Variants in MDN1 observed in about 807,000 individuals in gnomAD.
MDN1 encodes the protein midasin.
Under a neutral mutation model 669.2 loss-of-function variants are expected in MDN1, and 266 were observed. The ratio of observed to expected loss-of-function variants is 0.40; its 90% CI spans 0.36 to 0.44. The LOEUF (loss-of-function observed/expected upper bound fraction) is 0.44, where lower values mean the gene tolerates loss of function less well. Among genes scored for constraint, MDN1 ranks in the 20% least tolerant of loss-of-function variants. MDN1 has a pLI of 1.00. For missense variants in MDN1, 5,940 were observed against 6,754.0 expected (o/e 0.88, Z 4.22); for synonymous variants, 2,385 against 2,457.1 (o/e 0.97, Z 0.87).
intron 15 of MDN1, 56 bp from the exon 16 acceptor site, chr6:89,762,586 G>A (rs989642722): frequency 3.7e-6 from 5 of 1,344,940 alleles, no homozygotes; most frequent in Non-Finnish European, 5.2e-6. Flanking sequence ...ACAGAAGTTA[G>A]AAAGCATGGC....
rs1813092935 is a variant in MDN1 at position 89,700,675 on chromosome 6, C to G, written c.8609G>C (p.Arg2870Thr). The part of the protein sequence containing the change: ...SLLQAWGLIL[R>T]ANILEDVSLD... ...GCTGACATCTTCCAAAATATTTGCTCTGAGGATCAGTCCCCAGGCTTGCAG... is the reference window on the plus strand; with the variant it reads ...GCTGACATCTTCCAAAATATTTGCTGTGAGGATCAGTCCCCAGGCTTGCAG... The change falls in exon 56 of 102, where the codon AGA becomes ACA. Residue 2870 changes from arginine to threonine, a missense_variant. Physicochemically the swap from Arg to Thr is moderately conservative, Grantham distance 71. Coordinates refer to ENST00000369393, the MANE Select transcript of MDN1 (RefSeq NM_014611.3). The G allele has an allele frequency of 6.2e-7, 1 of 1,614,216 alleles. No homozygotes were observed. Among genetic ancestry groups the G allele is most frequent in the Non-Finnish European group, 8.5e-7 (1 of 1,180,030 alleles).
At chr6:89,780,340 C>T in intron 10 of MDN1, 47 bp from the exon 11 acceptor site, 1 of 1,254,974 alleles carries the variant, frequency 8.0e-7, no homozygotes, top group Middle Eastern at 1.9e-4. Flanking sequence ...AGACCACAGG[C>T]CAAAGACATC....
intron 9 of MDN1, among the ~76,000 whole-genome samples, chr6:89,784,543 T>A (rs1199566148): frequency 2.0e-5 from 3 of 152,130 alleles, no homozygotes; most frequent in African/African-American, 7.2e-5. Context: ...ATATACTTCT[T>A]ACTGATCTAG....
At chr6:89,760,832 G>A (rs1470758384) in intron 17 of MDN1, among the ~76,000 whole-genome samples, 2 of 152,190 alleles carry the variant, frequency 1.3e-5, no homozygotes, top group African/African-American at 4.8e-5. Flanking sequence ...GTAGTTAGCA[G>A]AGGCTGGAGA....
chr6:89,651,721 ATAT>A (rs1428714762), intron 95 of MDN1, among the ~76,000 whole-genome samples: 4 of 152,262 alleles, frequency 2.6e-5, no homozygotes, highest in Non-Finnish European at 5.9e-5. Context: ...CACTGAATAC[ATAT>A]ATGTGGTGGG....
At chr6:89,743,853 AC>A in intron 29 of MDN1, 139 bp from the exon 30 acceptor site, 1 of 885,672 alleles carries the variant, frequency 1.1e-6, no homozygotes, top group Non-Finnish European at 1.7e-6. Context: ...TGGAACCTCA[AC>A]CCCAGGCTCA....
At chr6:89,788,157 C>G (rs183950743) in intron 7 of MDN1, among the ~76,000 whole-genome samples, 200 bp from the exon 8 acceptor site, 10 of 152,290 alleles carry the variant, frequency 6.6e-5, no homozygotes, top group Admixed American at 4.6e-4. Flanking sequence ...TCGACATTCA[C>G]GAGTGCCTCC....
At chr6:89,776,769 G>A (rs941221242) in intron 11 of MDN1, 74 bp from the exon 12 acceptor site, 7 of 1,066,216 alleles carry the variant, frequency 6.6e-6, no homozygotes, top group Admixed American at 5.7e-5. Flanking sequence ...CATTTTCCTG[G>A]CCACAAGAGG....
At position 89,672,313 on chromosome 6, in the gene MDN1, C is replaced by T; in HGVS notation, c.13681G>A (p.Asp4561Asn). 2 of 1,613,076 alleles carry T rather than the reference C, an allele frequency of 1.2e-6. No homozygotes were observed. Among genetic ancestry groups the T allele is most frequent in the African/African-American group, 2.7e-5 (2 of 75,008 alleles). Reference sequence around the variant, plus strand: ...AAAGTGCTCACATCGGCCCAGAAGTCATCCTCTAAGAGTTTTGTTAGATGT... The same window carrying T: ...AAAGTGCTCACATCGGCCCAGAAGTTATCCTCTAAGAGTTTTGTTAGATGT... Reference protein sequence around the residue: ...SGHLTKLLEDDFWADVSTLHV... With the variant: ...SGHLTKLLEDNFWADVSTLHV... Residue 4561 changes from aspartate (D) to asparagine (N), a missense_variant, in exon 82 of 102, where the codon GAC (aspartate) becomes AAC (asparagine). Transcript: ENST00000369393.
At chr6:89,718,240 T>G (rs892616659) in intron 43 of MDN1, 126 bp downstream of exon 43, 2 of 1,115,554 alleles carry the variant, frequency 1.8e-6, no homozygotes, top group Non-Finnish European at 1.3e-6. Context: ...TAGGTCAAAC[T>G]TTCCCACAAG....
intron 40 of MDN1, among the ~76,000 whole-genome samples, chr6:89,721,385 A>T (rs953105976): frequency 2.6e-5 from 4 of 152,192 alleles, no homozygotes; most frequent in African/African-American, 9.7e-5. Flanking sequence ...GGACCAGCTT[A>T]ACGGTTCTGC....
At chr6:89,686,476 CAT>C (rs1271987165) in intron 69 of MDN1, among the ~76,000 whole-genome samples, 1 of 152,026 alleles carries the variant, frequency 6.6e-6, no homozygotes, top group African/African-American at 2.4e-5. Flanking sequence ...AGCAGCTGCA[CAT>C]AGAGCATGTG....
At chr6:89,662,498 A>C (rs1451171750) in intron 86 of MDN1, among the ~76,000 whole-genome samples, 1 of 152,142 alleles carries the variant, frequency 6.6e-6, no homozygotes, top group African/African-American at 2.4e-5. Flanking sequence ...TCAGCCCTGG[A>C]GTTCTCCCAA....
intron 1 of MDN1, among the ~76,000 whole-genome samples, chr6:89,804,312 G>A (rs1386236036): frequency 6.6e-6 from 1 of 152,154 alleles, no homozygotes; most frequent in Non-Finnish European, 1.5e-5. Context: ...TCATAAGTGA[G>A]ATTCTATTAT....
intron 37 of MDN1, among the ~76,000 whole-genome samples, chr6:89,725,837 A>C (rs1333891686): frequency 6.7e-6 from 1 of 149,010 alleles, no homozygotes; most frequent in Non-Finnish European, 1.5e-5. Context: ...TTAGCTTCCC[A>C]ATGTTAGAAT....
chr6:89,818,224 C>G (rs927044174), intron 1 of MDN1, among the ~76,000 whole-genome samples: 5 of 141,540 alleles, frequency 3.5e-5, no homozygotes, highest in Admixed American at 1.5e-4. Context: ...GAGGTTGAGA[C>G]AGAAGAATCG....
At chr6:89,732,327 A>C (rs1815654780) in intron 34 of MDN1, among the ~76,000 whole-genome samples, 1 of 151,730 alleles carries the variant, frequency 6.6e-6, no homozygotes, top group African/African-American at 2.4e-5. Flanking sequence ...ACTCATAATC[A>C]CCACTTCATG....
chr6:89,741,321 A>G (rs1289705992), intron 31 of MDN1, among the ~76,000 whole-genome samples: 9 of 152,172 alleles, frequency 5.9e-5, no homozygotes, highest in Non-Finnish European at 1.2e-4. Flanking sequence ...AAAGTCTAAC[A>G]AAAAGTTATG....
intron 90 of MDN1, among the ~76,000 whole-genome samples, chr6:89,657,585 G>A (rs1382375825): frequency 6.6e-6 from 1 of 152,188 alleles, no homozygotes; most frequent in East Asian, 1.9e-4. Flanking sequence ...TAAATTCCAT[G>A]TTTCCTTCCT....
Sources: gnomAD v4.1 joint callset for allele counts (sites outside exome capture counted in the v4.1 genomes callset) on GRCh38, gnomAD v4.1.1 for gene constraint, MANE v1.5 for transcripts, NCBI Gene and HGNC (gene_info 2026-07-23, HGNC 2026-07-21) for gene names.